Variants in VPS35L observed in about 807,000 individuals in gnomAD.
VPS35L encodes VPS35 endosomal protein-sorting factor-like.
VPS35L carries 83 observed loss-of-function variants against 133.0 expected under a neutral mutation model. The observed-to-expected ratio is 0.62, with a 90% confidence interval of 0.52 to 0.75. The LOEUF (loss-of-function observed/expected upper bound fraction) is 0.75. Among genes scored for constraint, VPS35L ranks in the 30% least tolerant of loss-of-function variants. The probability of loss-of-function intolerance (pLI) is 0.00; values close to 1 mark genes in which losing one functional copy is unlikely to be tolerated. For missense variants in VPS35L, 1,083 were observed against 1,206.8 expected (o/e 0.90, Z 1.52); for synonymous variants, 423 against 449.9 (o/e 0.94, Z 0.76).
At chr16:19,682,504 C>G in intron 28 of VPS35L, 114 bp downstream of exon 28, 2 of 1,178,260 alleles carry the variant, frequency 1.7e-6, no homozygotes, top group Non-Finnish European at 2.4e-6. Flanking sequence ...CTTCCATGAA[C>G]TTCTAGTCCA....
intron 12 of VPS35L, 139 bp downstream of exon 12, chr16:19,610,554 T>A: frequency 1.8e-6 from 1 of 544,378 alleles, no homozygotes; most frequent in Non-Finnish European, 3.1e-6. Context: ...AGATCATGGC[T>A]CTGCCACAGA....
chr16:19,608,129 A>G, intron 9 of VPS35L, 49 bp from the exon 10 acceptor site: 1 of 1,416,694 alleles, frequency 7.1e-7, no homozygotes, highest in Non-Finnish European at 1.0e-6. Context: ...GGACTCACAC[A>G]GATCCTGAGA....
chr16:19,600,141 A>G (rs1329478500), intron 8 of VPS35L, among the ~76,000 whole-genome samples: 1 of 152,006 alleles, frequency 6.6e-6, no homozygotes, highest in Non-Finnish European at 1.5e-5. Context: ...GGCTTCCTTC[A>G]CTTAATCCTG....
intron 7 of VPS35L, among the ~76,000 whole-genome samples, chr16:19,587,208 T>A (rs1481607902): frequency 6.6e-6 from 1 of 152,206 alleles, no homozygotes; most frequent in African/African-American, 2.4e-5. Context: ...ATGGTTCAGT[T>A]ACCTCCCACC....
chr16:19,574,998 A>C, intron 4 of VPS35L, 100 bp from the exon 5 acceptor site: 1 of 988,898 alleles, frequency 1.0e-6, no homozygotes, highest in Admixed American at 2.5e-5. Flanking sequence ...TTCTTTGAAT[A>C]TATATTTCTT....
rs1186474714 is a variant in VPS35L at position 19,570,303 on chromosome 16, T to C, written c.285+712T>C. 3.3e-5 allele frequency among the ~76,000 whole-genome samples: 5 copies of C among 152,176 alleles called. No individual in the cohort carries two copies. In the East Asian group the frequency reaches 9.6e-4, roughly 29 times the overall value. ...GTCTTGAACTCTTGACCTCAAGTGATCCACCTGCCTCAACCTCCCAAAGCA... is the reference window on the plus strand; with the variant it reads ...GTCTTGAACTCTTGACCTCAAGTGACCCACCTGCCTCAACCTCCCAAAGCA... On this transcript the variant is annotated intron_variant, in intron 3 of 30. Coordinates refer to ENST00000417362, the MANE Select transcript of VPS35L (RefSeq NM_020314.7).
intron 26 of VPS35L, among the ~76,000 whole-genome samples, chr16:19,661,348 C>T (rs971540586): frequency 6.6e-6 from 1 of 152,054 alleles, no homozygotes; most frequent in Non-Finnish European, 1.5e-5. Context: ...CAATAAATAA[C>T]CTGCATCTTA....
At chr16:19,605,235 A>C (rs780634155) in intron 9 of VPS35L, among the ~76,000 whole-genome samples, 1 of 152,242 alleles carries the variant, frequency 6.6e-6, no homozygotes, top group African/African-American at 2.4e-5. Context: ...AAATACCCAC[A>C]GAAGTTCAGG....
intron 7 of VPS35L, among the ~76,000 whole-genome samples, chr16:19,583,065 G>T (rs1252156859): frequency 6.6e-6 from 1 of 152,008 alleles, no homozygotes; most frequent in African/African-American, 2.4e-5. Flanking sequence ...GTGTGTGTTG[G>T]GGGGGTACCC....
intron 5 of VPS35L, among the ~76,000 whole-genome samples, chr16:19,575,525 C>T (rs1567392847): frequency 7.0e-6 from 1 of 143,820 alleles, no homozygotes; most frequent in Non-Finnish European, 1.5e-5. Flanking sequence ...AAGATTGCAT[C>T]ATTGCACTGC....
chr16:19,614,651 T>C (rs1172174513), intron 12 of VPS35L, among the ~76,000 whole-genome samples: 1 of 152,248 alleles, frequency 6.6e-6, no homozygotes, highest in African/African-American at 2.4e-5. Context: ...CCTCAAGTGA[T>C]TGGCCCACCT....
chr16:19,665,552 T>C (rs1218530866), intron 26 of VPS35L, among the ~76,000 whole-genome samples: 1 of 152,272 alleles, frequency 6.6e-6, no homozygotes, highest in Non-Finnish European at 1.5e-5. Context: ...TGTGTATATG[T>C]ACCACATTTT....
intron 24 of VPS35L, among the ~76,000 whole-genome samples, chr16:19,648,755 C>G (rs1974031585): frequency 5.3e-5 from 8 of 151,554 alleles, no homozygotes; most frequent in Admixed American, 5.3e-4. Flanking sequence ...GTTGTCCCAG[C>G]TACTTGGGAG....
intron 14 of VPS35L, among the ~76,000 whole-genome samples, chr16:19,621,203 A>G (rs1007243526): frequency 6.6e-6 from 1 of 152,190 alleles, no homozygotes; most frequent in Non-Finnish European, 1.5e-5. Flanking sequence ...TTGTGTAAAA[A>G]CAAAACTAGG....
intron 8 of VPS35L, among the ~76,000 whole-genome samples, chr16:19,597,336 C>T (rs1213025044): frequency 1.3e-5 from 2 of 150,282 alleles, no homozygotes; most frequent in Admixed American, 1.3e-4. Flanking sequence ...GGTACCACTG[C>T]ACCCTAGCAA....
chr16:19,574,517 C>A (rs1185959147), intron 4 of VPS35L, among the ~76,000 whole-genome samples: 1 of 152,178 alleles, frequency 6.6e-6, no homozygotes, highest in Admixed American at 6.5e-5. Context: ...GCCTCAACGC[C>A]TCTTCTCTTC....
chr16:19,610,377 C>T lies in VPS35L; in HGVS notation c.985C>T (p.Pro329Ser). ...ATGCATGATCAGAGGGATCGGAGACCCACTAGTGTCGGTGTATGCCCGTGC... is the reference window on the plus strand; with the variant it reads ...ATGCATGATCAGAGGGATCGGAGACTCACTAGTGTCGGTGTATGCCCGTGC... The part of the protein sequence containing the change: ...LTCMIRGIGD[P>S]LVSVYARAYL... Residue 329 changes from proline to serine, a missense_variant, in exon 12 of 31, where the codon CCA (proline) becomes TCA (serine). By Grantham distance (74) the Pro-to-Ser change is moderately conservative. Coordinates refer to ENST00000417362, the MANE Select transcript of VPS35L (RefSeq NM_020314.7). 1 of 1,614,038 alleles carries T rather than the reference C, an allele frequency of 6.2e-7. No individual in the cohort carries two copies. Among genetic ancestry groups the T allele is most frequent in the Non-Finnish European group, 8.5e-7 (1 of 1,180,016 alleles).
intron 18 of VPS35L, among the ~76,000 whole-genome samples, chr16:19,630,793 A>G (rs1023381367): frequency 1.3e-5 from 2 of 151,924 alleles, no homozygotes; most frequent in African/African-American, 4.8e-5. Context: ...TGCCCTTATA[A>G]TAAAAGAAGC....
At chr16:19,681,371 G>A (rs910358149) in intron 27 of VPS35L, among the ~76,000 whole-genome samples, 2 of 152,234 alleles carry the variant, frequency 1.3e-5, no homozygotes, top group African/African-American at 4.8e-5. Flanking sequence ...GCCGCTGCAG[G>A]TTCCAATCAT....
Sources: allele counts gnomAD v4.1 joint callset (sites outside exome capture counted in the v4.1 genomes callset), GRCh38; gene constraint gnomAD v4.1.1; transcripts MANE v1.5; gene names NCBI Gene and HGNC (gene_info 2026-07-23, HGNC 2026-07-21).